The following PPP1R9A variants were observed in gnomAD, a reference collection of about 807,000 sequenced individuals.
PPP1R9A encodes the protein protein phosphatase 1 regulatory subunit 9A, also known as neurabin-1.
A neutral mutation model predicts 141.9 loss-of-function variants in PPP1R9A; 59 were observed. The observed-to-expected ratio is 0.42, with a 90% CI of 0.34 to 0.52. The LOEUF (loss-of-function observed/expected upper bound fraction) is 0.52. PPP1R9A is among the 20% of genes least tolerant of loss of function. PPP1R9A has a pLI of 0.10. For missense variants in PPP1R9A, 1,444 were observed against 1,611.9 expected (o/e 0.90, Z 1.78); for synonymous variants, 500 against 569.7 (o/e 0.88, Z 1.74).
intron 16 of PPP1R9A, among the ~76,000 whole-genome samples, chr7:95,279,657 G>A (rs572977326): frequency 4.6e-5 from 7 of 151,538 alleles, no homozygotes; most frequent in African/African-American, 1.5e-4. Flanking sequence ...TTTAACTGTA[G>A]TGACTCTAAA....
chr7:95,283,920 CAA>C lies in PPP1R9A; in HGVS notation c.3297-96_3297-95del, dbSNP rs916337799. The C allele has an allele frequency of 4.3e-5, 46 of 1,071,194 alleles. No homozygotes were observed. In the African/African-American group the frequency reaches 7.2e-4, roughly 17 times the overall value. 66.4% of individuals were successfully genotyped at this position (1,071,194 alleles called of 1,614,324 possible). On this transcript the variant is annotated intron_variant, in intron 16 of 19. Coordinates refer to ENST00000433360, the MANE Select transcript of PPP1R9A (RefSeq NM_001166160.2). ...TACTCTGTTGAATAGAACAGTTTCT[CAA>C]ATTGTTACTTCAAACTATATTCAGA... is the stretch of plus-strand genomic sequence containing the variant.
intron 4 of PPP1R9A, among the ~76,000 whole-genome samples, chr7:95,160,043 A>C (rs1390575960): frequency 6.6e-6 from 1 of 151,766 alleles, no homozygotes; most frequent in Non-Finnish European, 1.5e-5. Context: ...GTTTGACTAC[A>C]TTTCTCATGT....
chr7:95,242,634 T>C (rs1797613275), intron 8 of PPP1R9A, among the ~76,000 whole-genome samples: 1 of 152,158 alleles, frequency 6.6e-6, no homozygotes, highest in South Asian at 2.1e-4. Context: ...CTTCAGAATG[T>C]TAAATGAAAG....
intron 2 of PPP1R9A, among the ~76,000 whole-genome samples, chr7:94,956,768 A>G (rs1449298933): frequency 6.6e-6 from 1 of 152,048 alleles, no homozygotes; most frequent in Non-Finnish European, 1.5e-5. Flanking sequence ...TCTTATTATT[A>G]TTTTTAATTT....
chr7:95,261,602 A>T (rs1335489061), intron 12 of PPP1R9A, among the ~76,000 whole-genome samples: 1 of 152,152 alleles, frequency 6.6e-6, no homozygotes, highest in African/African-American at 2.4e-5. Flanking sequence ...CTCAAGTGAC[A>T]TTATCAAAAA....
intron 5 of PPP1R9A, among the ~76,000 whole-genome samples, chr7:95,188,943 T>C (rs1284882973): frequency 1.3e-5 from 2 of 152,146 alleles, no homozygotes; most frequent in Non-Finnish European, 2.9e-5. Context: ...TTTTGGTGCA[T>C]TTCAAGGGTT....
chr7:95,141,319 C>A (rs1048076991), intron 4 of PPP1R9A, among the ~76,000 whole-genome samples: 1 of 152,010 alleles, frequency 6.6e-6, no homozygotes, highest in Non-Finnish European at 1.5e-5. Flanking sequence ...AAATTGTTCT[C>A]TAAGATTTAT....
intron 1 of PPP1R9A, among the ~76,000 whole-genome samples, chr7:94,909,291 G>T (rs143380341): frequency 2.2e-4 from 34 of 152,264 alleles, no homozygotes; most frequent in Admixed American, 5.9e-4. Context: ...TGAACTTAGT[G>T]AAACTTATTG....
At chr7:94,929,052 G>A (rs1320483764) in intron 2 of PPP1R9A, among the ~76,000 whole-genome samples, 1 of 152,148 alleles carries the variant, frequency 6.6e-6, no homozygotes, top group East Asian at 1.9e-4. Flanking sequence ...ACTTCTAGGT[G>A]TCTTACATTA....
intron 7 of PPP1R9A, among the ~76,000 whole-genome samples, chr7:95,211,486 C>A (rs1452236005): frequency 6.6e-6 from 1 of 152,120 alleles, no homozygotes; most frequent in Non-Finnish European, 1.5e-5. Context: ...TCAATGTTGT[C>A]TTCTGGTTTT....
At chr7:95,023,106 C>T (rs1302872548) in intron 2 of PPP1R9A, among the ~76,000 whole-genome samples, 7 of 152,062 alleles carry the variant, frequency 4.6e-5, no homozygotes, top group Non-Finnish European at 1.0e-4. Flanking sequence ...TCTGTCTGGT[C>T]CTGGACTTTT....
chr7:95,280,093 T>G lies in PPP1R9A; in HGVS notation c.3297-3925T>G, dbSNP rs373814728. Among the ~76,000 whole-genome samples, 105 of 152,270 alleles carry G rather than the reference T, an allele frequency of 6.9e-4. 1 individual carries two copies. Among genetic ancestry groups the G allele is most frequent in the African/African-American group, 1.3e-3 (53 of 41,556 alleles). On this transcript the variant is annotated intron_variant, in intron 16 of 19. Coordinates refer to ENST00000433360, the MANE Select transcript of PPP1R9A (RefSeq NM_001166160.2). ...GCGGGGGTTGGCCCTGAGCTTTAGA[T>G]GGACATGTTTCTCACAGCTGTTATC...
In PPP1R9A at chr7:94,934,494, CA is replaced by C. The variant is rs542440627; in HGVS notation, c.1395+22987del. 1.4e-4 allele frequency among the ~76,000 whole-genome samples: 21 copies of C among 151,608 alleles called. No homozygotes were observed. In the South Asian group the frequency reaches 4.4e-3, roughly 32 times the overall value. ...AGTATTATCCCTCATGTTTATAGAACATTTTTTTTTTTTGTCAAAAAGATCT... is the reference window on the plus strand; with the variant it reads ...AGTATTATCCCTCATGTTTATAGAACTTTTTTTTTTTTGTCAAAAAGATCT... On this transcript the variant is annotated intron_variant, in intron 2 of 19. Coordinates refer to ENST00000433360, the MANE Select transcript of PPP1R9A (RefSeq NM_001166160.2).
At chr7:95,042,837 A>C (rs536953123) in intron 2 of PPP1R9A, among the ~76,000 whole-genome samples, 3 of 152,290 alleles carry the variant, frequency 2.0e-5, no homozygotes, top group Admixed American at 6.5e-5. Context: ...AATAATCCAC[A>C]CATTGAAATA....
intron 2 of PPP1R9A, among the ~76,000 whole-genome samples, chr7:94,979,343 A>G (rs770076532): frequency 3.3e-5 from 5 of 152,206 alleles, no homozygotes; most frequent in Non-Finnish European, 2.9e-5. Context: ...TATCTCCATT[A>G]GTGAGTCTTT....
At chr7:95,274,322 T>C (rs1345318305) in intron 16 of PPP1R9A, among the ~76,000 whole-genome samples, 154 bp downstream of exon 16, 1 of 152,228 alleles carries the variant, frequency 6.6e-6, no homozygotes, top group African/African-American at 2.4e-5. Context: ...TAGTTTATAT[T>C]GGTCTTACTC....
intron 2 of PPP1R9A, among the ~76,000 whole-genome samples, chr7:95,109,829 C>G (rs550427645): frequency 1.3e-5 from 2 of 150,066 alleles, no homozygotes; most frequent in South Asian, 4.2e-4. Context: ...AGAGCAAGAC[C>G]CTATCTCAAT....
At chr7:95,175,979 G>A (rs963964827) in intron 5 of PPP1R9A, among the ~76,000 whole-genome samples, 2 of 152,072 alleles carry the variant, frequency 1.3e-5, no homozygotes, top group Non-Finnish European at 2.9e-5. Context: ...TTGCAGCTCT[G>A]ACTTGGACAG....
At chr7:95,140,687 G>A (rs1826506795) in intron 4 of PPP1R9A, among the ~76,000 whole-genome samples, 1 of 152,076 alleles carries the variant, frequency 6.6e-6, no homozygotes, top group African/African-American at 2.4e-5. Flanking sequence ...CACCACAACT[G>A]GCCAGGAGAT....
Sources: allele counts gnomAD v4.1 joint callset (sites outside exome capture counted in the v4.1 genomes callset), GRCh38; gene constraint gnomAD v4.1.1; transcripts MANE v1.5; gene names NCBI Gene and HGNC (gene_info 2026-07-23, HGNC 2026-07-21).